Variants in ELK3 observed in about 807,000 individuals in gnomAD.
ELK3 encodes ETS transcription factor ELK3.
A neutral mutation model predicts 28.9 loss-of-function variants in ELK3; 10 were observed. That is an observed-to-expected ratio of 0.35 (90% CI 0.21 to 0.59). The LOEUF (loss-of-function observed/expected upper bound fraction) is 0.59, where lower values mean the gene tolerates loss of function less well. Among genes scored for constraint, ELK3 ranks in the 20% least tolerant of loss-of-function variants. The pLI, the probability that ELK3 is intolerant of heterozygous loss-of-function variation, is 0.82. For missense variants in ELK3, 463 were observed against 517.3 expected, an observed-to-expected ratio of 0.90 and a Z score of 1.02; for synonymous variants, 272 against 243.5, an observed-to-expected ratio of 1.12 and a Z score of -1.09.
At chr12:96,253,342 A>C (rs1472309404) in intron 3 of ELK3, among the ~76,000 whole-genome samples, 2 of 152,240 alleles carry the variant, frequency 1.3e-5, no homozygotes, top group African/African-American at 4.8e-5. Flanking sequence ...AAACTGCCAC[A>C]GCCACCCCAG....
intron 2 of ELK3, among the ~76,000 whole-genome samples, chr12:96,224,420 G>T (rs1177073437): frequency 6.6e-6 from 1 of 152,150 alleles, no homozygotes; most frequent in Admixed American, 6.5e-5. Context: ...TAGGAATCCT[G>T]TCTCAGGATT....
At position 96,269,086 on chromosome 12, in the gene ELK3, AGC is replaced by A; in HGVS notation, c.*1907_*1908del. ...TGTTTCCAGCTCAAGACAGGTGCAC[AGC>A]AGAAGCTGGGAGTTGCCTATGGCTG... On this transcript the variant is annotated 3_prime_UTR_variant, in exon 5 of 5. Transcript: ENST00000228741. The A allele has an allele frequency of 6.6e-6, 1 of 152,380 alleles. No homozygotes were observed. Among genetic ancestry groups the A allele is most frequent in the East Asian group, 1.9e-4 (1 of 5,188 alleles). 9.4% of individuals were successfully genotyped at this position (152,380 alleles called of 1,614,324 possible).
intron 1 of ELK3, among the ~76,000 whole-genome samples, chr12:96,210,178 A>G (rs1356543673): frequency 1.3e-5 from 2 of 152,200 alleles, no homozygotes; most frequent in African/African-American, 2.4e-5. Context: ...AGAGCTCATT[A>G]ATTTAAAGCT....
intron 4 of ELK3, among the ~76,000 whole-genome samples, chr12:96,262,743 A>G (rs1197429570): frequency 1.3e-5 from 2 of 152,220 alleles, no homozygotes; most frequent in African/African-American, 2.4e-5. Context: ...CTGATTTTTA[A>G]AACTAGATGT....
chr12:96,214,097 A>G (rs906013506), intron 1 of ELK3, among the ~76,000 whole-genome samples: 6 of 152,330 alleles, frequency 3.9e-5, no homozygotes, highest in Non-Finnish European at 8.8e-5. Flanking sequence ...TAATCCCAGC[A>G]ACCTTTCTCT....
intron 2 of ELK3, among the ~76,000 whole-genome samples, chr12:96,224,984 G>C (rs917154007): frequency 6.6e-6 from 1 of 152,192 alleles, no homozygotes; most frequent in Non-Finnish European, 1.5e-5. Context: ...AATTGCACGT[G>C]ATTGTGTCAT....
At chr12:96,238,404 A>G (rs1179351477) in intron 2 of ELK3, among the ~76,000 whole-genome samples, 1 of 152,214 alleles carries the variant, frequency 6.6e-6, no homozygotes, top group Non-Finnish European at 1.5e-5. Flanking sequence ...TCAAACCCAG[A>G]TCTGTTCACC....
chr12:96,203,381 C>T (rs1407293018), intron 1 of ELK3, among the ~76,000 whole-genome samples: 1 of 152,230 alleles, frequency 6.6e-6, no homozygotes, highest in Non-Finnish European at 1.5e-5. Context: ...GTGTCATGTG[C>T]TGCATGTCTG....
intron 1 of ELK3, among the ~76,000 whole-genome samples, chr12:96,203,150 G>C (rs907293546): frequency 6.6e-6 from 1 of 152,182 alleles, no homozygotes; most frequent in African/African-American, 2.4e-5. Context: ...CAAAGTGCTG[G>C]GATTACAGGC....
At chr12:96,260,610 T>C (rs1189711410) in intron 4 of ELK3, among the ~76,000 whole-genome samples, 1 of 152,212 alleles carries the variant, frequency 6.6e-6, no homozygotes, top group Non-Finnish European at 1.5e-5. Flanking sequence ...GACCGTCACT[T>C]GCTATCATGG....
chr12:96,208,960 G>A (rs1179197308), intron 1 of ELK3, among the ~76,000 whole-genome samples: 2 of 152,228 alleles, frequency 1.3e-5, no homozygotes, highest in African/African-American at 2.4e-5. Context: ...CAGCACAGCT[G>A]TGCAGACTTC....
intron 2 of ELK3, among the ~76,000 whole-genome samples, chr12:96,238,220 T>C (rs888016750): frequency 2.6e-5 from 4 of 152,250 alleles, no homozygotes; most frequent in African/African-American, 9.6e-5. Flanking sequence ...CAAGATTCAC[T>C]GGGTGAGGGT....
intron 1 of ELK3, among the ~76,000 whole-genome samples, chr12:96,213,575 A>G (rs1466037725): frequency 6.6e-6 from 1 of 152,234 alleles, no homozygotes; most frequent in African/African-American, 2.4e-5. Flanking sequence ...ACTCACCCAT[A>G]TAAAAGTCAC....
chr12:96,241,850 A>G (rs1951823599), intron 2 of ELK3, among the ~76,000 whole-genome samples: 1 of 152,186 alleles, frequency 6.6e-6, no homozygotes, highest in Non-Finnish European at 1.5e-5. Flanking sequence ...CTCTGTTTGA[A>G]GGGGATGTTG....
At chr12:96,197,294 A>G (rs1951477533) in intron 1 of ELK3, among the ~76,000 whole-genome samples, 1 of 152,146 alleles carries the variant, frequency 6.6e-6, no homozygotes, top group South Asian at 2.1e-4. Context: ...TGTTATAACT[A>G]AGGGGGTGCA....
rs193027815 is a variant in ELK3 at position 96,211,306 on chromosome 12, T to G, written c.-2-12259T>G. Among the ~76,000 whole-genome samples, 389 of 152,298 alleles carry G rather than the reference T, an allele frequency of 2.6e-3. 4 individuals carry two copies. Among genetic ancestry groups the G allele is most frequent in the African/African-American group, 9.0e-3 (376 of 41,562 alleles). On this transcript the variant is annotated intron_variant, in intron 1 of 4. Transcript: ENST00000228741. ...TGGAGGATATATTAATAGCTAACGT[T>G]TTCTTAGAACAGTGCTCTTAATTTG...
chr12:96,252,485 G>T (rs566921670), intron 3 of ELK3, among the ~76,000 whole-genome samples: 2 of 152,168 alleles, frequency 1.3e-5, no homozygotes, highest in Admixed American at 1.3e-4. Flanking sequence ...CACCATCCTA[G>T]ATGCTATTAA....
chr12:96,203,783 A>G (rs1404250667), intron 1 of ELK3, among the ~76,000 whole-genome samples: 1 of 152,202 alleles, frequency 6.6e-6, no homozygotes, highest in Non-Finnish European at 1.5e-5. Flanking sequence ...TCTACTAAAA[A>G]TACAAAAATT....
intron 2 of ELK3, among the ~76,000 whole-genome samples, chr12:96,237,084 A>G (rs1951790340): frequency 6.6e-6 from 1 of 152,240 alleles, no homozygotes; most frequent in South Asian, 2.1e-4. Flanking sequence ...CCTCAAATCC[A>G]GGATGATTCT....
Sources: allele counts gnomAD v4.1 joint callset (sites outside exome capture counted in the v4.1 genomes callset), GRCh38; gene constraint gnomAD v4.1.1; transcripts MANE v1.5; gene names NCBI Gene and HGNC (gene_info 2026-07-23, HGNC 2026-07-21).